Variants in TRDN observed in about 807,000 individuals in gnomAD.
The protein encoded by TRDN is triadin in skeletal muscle.
In TRDN, 161 loss-of-function variants were observed where a neutral mutation model predicts 149.7. That is an observed-to-expected ratio of 1.08 (90% CI 0.95 to 1.23). The LOEUF is 1.23. Among genes scored for constraint, TRDN ranks in the 50% most tolerant of loss-of-function variants. The pLI, the probability that TRDN is intolerant of heterozygous loss-of-function variation, is 0.00. For missense variants in TRDN, 896 were observed against 823.5 expected, an observed-to-expected ratio of 1.09 and a Z score of -1.08; for synonymous variants, 294 against 250.5, an observed-to-expected ratio of 1.17 and a Z score of -1.64.
chr6:123,587,830 C>T (rs1206646281), intron 1 of TRDN, among the ~76,000 whole-genome samples: 1 of 151,812 alleles, frequency 6.6e-6, no homozygotes, highest in Non-Finnish European at 1.5e-5. Flanking sequence ...GCTTTTGAGC[C>T]AGGATGAGCC....
intron 24 of TRDN, among the ~76,000 whole-genome samples, chr6:123,312,293 C>T (rs892667812): frequency 3.3e-5 from 5 of 151,854 alleles, no homozygotes; most frequent in African/African-American, 9.7e-5. Context: ...GCATTTATTC[C>T]GCCTCTTCGA....
intron 10 of TRDN, among the ~76,000 whole-genome samples, chr6:123,455,252 G>T (rs1434915258): frequency 1.3e-5 from 2 of 152,078 alleles, no homozygotes; most frequent in Non-Finnish European, 2.9e-5. Context: ...ATTTAAAATG[G>T]ATAAGGTAGA....
chr6:123,356,334 T>C (rs1388859948), intron 20 of TRDN, among the ~76,000 whole-genome samples: 2 of 151,312 alleles, frequency 1.3e-5, no homozygotes, highest in Non-Finnish European at 3.0e-5. Flanking sequence ...ATGATGAATA[T>C]AGTTTCCTTT....
At chr6:123,467,064 C>A (rs951277618) in intron 9 of TRDN, among the ~76,000 whole-genome samples, 1 of 151,950 alleles carries the variant, frequency 6.6e-6, no homozygotes, top group Non-Finnish European at 1.5e-5. Flanking sequence ...AACTTTATTG[C>A]ATACTTATTA....
At chr6:123,569,314 G>T (rs1218557830) in intron 2 of TRDN, among the ~76,000 whole-genome samples, 1 of 152,070 alleles carries the variant, frequency 6.6e-6, no homozygotes, top group Non-Finnish European at 1.5e-5. Context: ...CAGCATTTTG[G>T]TCTCAACCAT....
chr6:123,398,268 G>A (rs1291975462), intron 12 of TRDN, among the ~76,000 whole-genome samples: 2 of 152,186 alleles, frequency 1.3e-5, no homozygotes, highest in African/African-American at 4.8e-5. Flanking sequence ...GCCTCCCAAA[G>A]TGCTAGGATT....
rs754284674 is a variant in TRDN, at chr6:123,625,575, T to C, written c.22+11179A>G. On this transcript the variant is annotated intron_variant, in intron 1 of 40. Transcript: ENST00000334268. ...ACAGTCAACAGTAATTCATTGTACA[T>C]TTAAAAATAACTAAAAGAGTATAAC... 4.6e-5 allele frequency among the ~76,000 whole-genome samples: 7 copies of C among 152,250 alleles called. No homozygotes were observed. In the East Asian group the frequency reaches 1.4e-3, roughly 29 times the overall value.
At chr6:123,432,523 T>A (rs555562409) in intron 12 of TRDN, among the ~76,000 whole-genome samples, 4 of 152,246 alleles carry the variant, frequency 2.6e-5, no homozygotes, top group Non-Finnish European at 4.4e-5. Context: ...ATTCTGTCCC[T>A]CTGAGCATCA....
At chr6:123,496,837 A>C (rs1236545872) in intron 9 of TRDN, among the ~76,000 whole-genome samples, 5 of 152,112 alleles carry the variant, frequency 3.3e-5, no homozygotes, top group Non-Finnish European at 5.9e-5. Context: ...TACTAAGAAA[A>C]GAAAGATATT....
chr6:123,331,369 G>A (rs1779651787), intron 23 of TRDN, among the ~76,000 whole-genome samples: 2 of 151,994 alleles, frequency 1.3e-5, no homozygotes, highest in Non-Finnish European at 1.5e-5. Context: ...ACTACAAACT[G>A]TAACTTTGAA....
chr6:123,437,909 G>C (rs779488428), intron 12 of TRDN, among the ~76,000 whole-genome samples, 154 bp downstream of exon 12: 1 of 152,058 alleles, frequency 6.6e-6, no homozygotes, highest in African/African-American at 2.4e-5. Flanking sequence ...TTCTTTGCCT[G>C]TTTAACTTTG....
chr6:123,571,162 A>G (rs374428399), intron 1 of TRDN, 30 bp from the exon 2 acceptor site: 11 of 1,606,746 alleles, frequency 6.8e-6, no homozygotes, highest in African/African-American at 1.3e-5. Flanking sequence ...GGAAAATATA[A>G]TTTAGAGATT....
chr6:123,575,918 G>A (rs564895918), intron 1 of TRDN, among the ~76,000 whole-genome samples: 92 of 152,162 alleles, frequency 6.0e-4, no homozygotes, highest in Non-Finnish European at 1.1e-3. Flanking sequence ...GATGCTCAAG[G>A]AAGACACCTA....
chr6:123,561,302 G>A (rs1781980543), intron 2 of TRDN, among the ~76,000 whole-genome samples: 1 of 152,146 alleles, frequency 6.6e-6, no homozygotes, highest in African/African-American at 2.4e-5. Context: ...AGGAATGGTA[G>A]AACGGACTAA....
At chr6:123,255,983 A>G in intron 35 of TRDN, 81 bp from the exon 36 acceptor site, 2 of 832,764 alleles carry the variant, frequency 2.4e-6, no homozygotes, top group South Asian at 4.5e-5. Context: ...ATACATGTGC[A>G]GAACATGCAG....
intron 24 of TRDN, among the ~76,000 whole-genome samples, chr6:123,288,832 A>G (rs1195148930): frequency 1.3e-5 from 2 of 151,946 alleles, no homozygotes; most frequent in Non-Finnish European, 2.9e-5. Flanking sequence ...CCTCAAAAAA[A>G]CTAGAATTAC....
At chr6:123,504,768 A>C (rs1778845161) in intron 7 of TRDN, among the ~76,000 whole-genome samples, 2 of 152,228 alleles carry the variant, frequency 1.3e-5, no homozygotes, top group Non-Finnish European at 2.9e-5. Flanking sequence ...TCTTTTAAAA[A>C]GCAGTAATAA....
chr6:123,334,022 TTACAC>T (rs1471651607), intron 22 of TRDN, among the ~76,000 whole-genome samples: 1 of 151,994 alleles, frequency 6.6e-6, no homozygotes, highest in African/African-American at 2.4e-5. Flanking sequence ...TTCCACTGCC[TTACAC>T]TACCCCCAGA....
At chr6:123,421,733 T>C (rs932805252) in intron 12 of TRDN, 5 of 146,258 alleles carry the variant, frequency 3.4e-5, no homozygotes, top group African/African-American at 7.7e-5. Flanking sequence ...CTTTGGAAGG[T>C]GTAGGCAGGA....
Sources: allele counts gnomAD v4.1 joint callset (sites outside exome capture counted in the v4.1 genomes callset), GRCh38; gene constraint gnomAD v4.1.1; transcripts MANE v1.5; gene names NCBI Gene and HGNC (gene_info 2026-07-23, HGNC 2026-07-21).